The following ADGRB3 variants were observed in gnomAD, a reference collection of about 807,000 sequenced individuals.
The protein encoded by ADGRB3 is brain-specific angiogenesis inhibitor 3.
ADGRB3 carries 37 observed loss-of-function variants against 193.4 expected under a neutral mutation model. That is an observed-to-expected ratio of 0.19 (90% CI 0.15 to 0.25). ADGRB3 has a LOEUF of 0.25. Among genes scored for constraint, ADGRB3 ranks in the 10% least tolerant of loss-of-function variants. ADGRB3 has a pLI of 1.00. For missense variants in ADGRB3, 1,637 were observed against 1,852.9 expected (o/e 0.88, Z 2.14); for synonymous variants, 690 against 644.2 (o/e 1.07, Z -1.08).
intron 17 of ADGRB3, among the ~76,000 whole-genome samples, chr6:69,151,896 A>G (rs973437072): frequency 6.6e-6 from 1 of 152,086 alleles, no homozygotes; most frequent in African/African-American, 2.4e-5. Context: ...GGTTATTCTC[A>G]TGCTGTTCTT....
At chr6:69,268,153 A>G (rs1004885599) in intron 20 of ADGRB3, among the ~76,000 whole-genome samples, 3 of 152,198 alleles carry the variant, frequency 2.0e-5, no homozygotes, top group Non-Finnish European at 1.5e-5. Context: ...TGAATAGTAC[A>G]GTGATAATAT....
At chr6:68,643,946 A>T (rs78204314) in intron 3 of ADGRB3, among the ~76,000 whole-genome samples, 1 of 151,872 alleles carries the variant, frequency 6.6e-6, no homozygotes, top group East Asian at 1.9e-4. Flanking sequence ...AAAAAAAAAA[A>T]TTCCATCTAA....
intron 3 of ADGRB3, among the ~76,000 whole-genome samples, chr6:68,711,126 C>G (rs1305001189): frequency 2.6e-5 from 4 of 152,096 alleles, no homozygotes; most frequent in African/African-American, 9.7e-5. Context: ...TCTCTGCATC[C>G]TCATGGAACG....
At chr6:69,053,116 G>T (rs982675915) in intron 15 of ADGRB3, among the ~76,000 whole-genome samples, 2 of 152,134 alleles carry the variant, frequency 1.3e-5, no homozygotes, top group African/African-American at 4.8e-5. Flanking sequence ...AATCTCAGAG[G>T]TGGAGGTTGC....
chr6:69,214,805 C>A (rs1402786380), intron 17 of ADGRB3, among the ~76,000 whole-genome samples: 1 of 151,372 alleles, frequency 6.6e-6, no homozygotes, highest in Non-Finnish European at 1.5e-5. Flanking sequence ...TTTGCACCAA[C>A]CTAATTTTAA....
intron 3 of ADGRB3, among the ~76,000 whole-genome samples, chr6:68,684,574 C>T (rs1228280417): frequency 2.0e-5 from 3 of 151,892 alleles, no homozygotes; most frequent in African/African-American, 7.3e-5. Context: ...TTTAATTAGG[C>T]CCTCTTTTAA....
intron 3 of ADGRB3, among the ~76,000 whole-genome samples, chr6:68,705,870 A>G (rs575410695): frequency 1.3e-5 from 2 of 152,278 alleles, no homozygotes; most frequent in African/African-American, 4.8e-5. Context: ...GTAGATAGAA[A>G]ATTACAAAGA....
chr6:69,037,646 T>A (rs1396430302), intron 13 of ADGRB3, among the ~76,000 whole-genome samples: 1 of 143,102 alleles, frequency 7.0e-6, no homozygotes, highest in East Asian at 2.0e-4. Flanking sequence ...GTGTTGTTGT[T>A]CTCTCTCTCT....
chr6:68,959,685 A>T (rs1295012299), intron 8 of ADGRB3, among the ~76,000 whole-genome samples: 1 of 152,188 alleles, frequency 6.6e-6, no homozygotes, highest in Non-Finnish European at 1.5e-5. Context: ...GATAGATTAA[A>T]TAAAAGTATT....
At chr6:69,157,214 A>G (rs1352006350) in intron 17 of ADGRB3, among the ~76,000 whole-genome samples, 1 of 152,218 alleles carries the variant, frequency 6.6e-6, no homozygotes, top group Non-Finnish European at 1.5e-5. Flanking sequence ...TTCACAAAGG[A>G]CTAAGAGCAG....
chr6:68,715,638 A>G (rs1489654201), intron 3 of ADGRB3, among the ~76,000 whole-genome samples: 1 of 151,800 alleles, frequency 6.6e-6, no homozygotes, highest in African/African-American at 2.4e-5. Context: ...AGGGAAAGAA[A>G]TTGTTTAGTA....
intron 17 of ADGRB3, among the ~76,000 whole-genome samples, chr6:69,177,421 G>A (rs557435177): frequency 1.2e-4 from 18 of 151,570 alleles, no homozygotes; most frequent in Non-Finnish European, 1.8e-4. Flanking sequence ...CAGTGGCGCC[G>A]TCTCGGCTCA....
At chr6:68,818,185 T>C (rs982251214) in intron 3 of ADGRB3, among the ~76,000 whole-genome samples, 2 of 152,108 alleles carry the variant, frequency 1.3e-5, no homozygotes, top group Non-Finnish European at 2.9e-5. Flanking sequence ...CATGGTTCTA[T>C]GTGCGCACCG....
intron 16 of ADGRB3, among the ~76,000 whole-genome samples, chr6:69,075,718 T>C (rs1053123309): frequency 2.0e-5 from 3 of 152,314 alleles, no homozygotes; most frequent in South Asian, 2.1e-4. Context: ...TATGGACTTA[T>C]GGTGTATGAG....
chr6:69,366,120 A>AT (rs796147320), intron 29 of ADGRB3, among the ~76,000 whole-genome samples: 15 of 151,812 alleles, frequency 9.9e-5, no homozygotes, highest in Admixed American at 9.9e-4. Flanking sequence ...TCTTTTTTAC[A>AT]TTTTTTTCTC....
At position 69,049,292 on chromosome 6, in the gene ADGRB3, TTG is replaced by T; in HGVS notation, c.2281_2282del (p.Val761SerfsTer23). ...CTAGAATTAGATGAATCATCTGTAT[TTG>T]TTCTTGGCGCAGTCCTATACAAAAA... is the stretch of plus-strand genomic sequence containing the variant. On this transcript the variant is annotated frameshift_variant, in exon 15 of 32. Coordinates refer to ENST00000370598, the MANE Select transcript of ADGRB3 (RefSeq NM_001704.3). LOFTEE classifies it high-confidence loss of function. 1 of 1,608,182 alleles carries T rather than the reference TTG, an allele frequency of 6.2e-7. No homozygotes were observed. The highest frequency in any genetic ancestry group is 1.7e-5 in the Admixed American group (1 of 59,654).
At chr6:68,724,570 A>G (rs1765640030) in intron 3 of ADGRB3, among the ~76,000 whole-genome samples, 1 of 151,606 alleles carries the variant, frequency 6.6e-6, no homozygotes, top group Non-Finnish European at 1.5e-5. Context: ...TTTTAATCTG[A>G]ATTCCTATGT....
intron 20 of ADGRB3, among the ~76,000 whole-genome samples, chr6:69,293,701 A>G (rs1363266609): frequency 6.6e-6 from 1 of 152,130 alleles, no homozygotes; most frequent in African/African-American, 2.4e-5. Flanking sequence ...CCTCTTGGCT[A>G]CCTTGTGGCT....
At chr6:68,825,174 G>T (rs1562045408) in intron 3 of ADGRB3, among the ~76,000 whole-genome samples, 1 of 151,974 alleles carries the variant, frequency 6.6e-6, no homozygotes, top group Non-Finnish European at 1.5e-5. Flanking sequence ...GCCTCTTATG[G>T]TCTACTTATG....
Sources: allele counts gnomAD v4.1 joint callset (sites outside exome capture counted in the v4.1 genomes callset), GRCh38; gene constraint gnomAD v4.1.1; transcripts MANE v1.5; gene names NCBI Gene and HGNC (gene_info 2026-07-23, HGNC 2026-07-21).